CHCHD3: variants seen among roughly 807,000 people sequenced by gnomAD.
CHCHD3 encodes the protein coiled-coil-helix-coiled-coil-helix domain containing 3, also known as MICOS complex subunit MIC19.
CHCHD3 carries 20 observed loss-of-function variants against 38.2 expected under a neutral mutation model. The observed-to-expected ratio is 0.52, with a 90% CI of 0.37 to 0.76. The LOEUF is 0.76. Among genes scored for constraint, CHCHD3 ranks in the 30% least tolerant of loss-of-function variants. The pLI is 0.00. For synonymous variants in CHCHD3, 82 were observed against 100.0 expected (o/e 0.82, Z 1.07); for missense variants, 245 against 279.2 (o/e 0.88, Z 0.87).
At chr7:132,921,988 T>A (rs1810274170) in intron 4 of CHCHD3, among the ~76,000 whole-genome samples, 1 of 152,192 alleles carries the variant, frequency 6.6e-6, no homozygotes, top group Admixed American at 6.5e-5. Flanking sequence ...CTAGAAACAG[T>A]CCATAAGAAG....
intron 2 of CHCHD3, among the ~76,000 whole-genome samples, chr7:133,066,066 C>T (rs538066499): frequency 2.0e-5 from 3 of 152,178 alleles, no homozygotes; most frequent in South Asian, 2.1e-4. Context: ...CCTATATCTA[C>T]ACTTTCCAAT....
chr7:132,857,820 T>C (rs1437979408), intron 5 of CHCHD3, among the ~76,000 whole-genome samples: 1 of 152,192 alleles, frequency 6.6e-6, no homozygotes, highest in East Asian at 1.9e-4. Context: ...GGTCTGGTTT[T>C]AGAAATTAGA....
intron 5 of CHCHD3, among the ~76,000 whole-genome samples, chr7:132,871,944 A>G (rs1585591122): frequency 6.6e-5 from 10 of 152,212 alleles, no homozygotes; most frequent in Admixed American, 6.5e-4. Context: ...GGGGAAAAAA[A>G]AGTAAAAATA....
At chr7:132,885,420 A>T (rs575417812) in intron 5 of CHCHD3, among the ~76,000 whole-genome samples, 1 of 152,282 alleles carries the variant, frequency 6.6e-6, no homozygotes, top group South Asian at 2.1e-4. Flanking sequence ...TAAGAAAAGT[A>T]TTTGCGGTAG....
intron 4 of CHCHD3, among the ~76,000 whole-genome samples, chr7:132,958,498 T>C (rs1009656045): frequency 1.3e-5 from 2 of 152,202 alleles, no homozygotes; most frequent in African/African-American, 4.8e-5. Flanking sequence ...GTACAGGTAT[T>C]AAAGAGTATC....
chr7:132,820,729 T>C (rs1272336161), intron 6 of CHCHD3, among the ~76,000 whole-genome samples: 1 of 151,666 alleles, frequency 6.6e-6, no homozygotes, highest in East Asian at 1.9e-4. Flanking sequence ...CTGTCCTTTT[T>C]ACTTCTGGAA....
chr7:132,883,273 T>G (rs1461709974), intron 5 of CHCHD3, among the ~76,000 whole-genome samples: 1 of 152,194 alleles, frequency 6.6e-6, no homozygotes, highest in Non-Finnish European at 1.5e-5. Context: ...AGTGGGTGAA[T>G]GGTTACTCTG....
chr7:132,925,987 T>C (rs969847965), intron 4 of CHCHD3, among the ~76,000 whole-genome samples: 1 of 151,950 alleles, frequency 6.6e-6, no homozygotes, highest in Non-Finnish European at 1.5e-5. Context: ...CTTAGAAAAA[T>C]GGCCAGAGAT....
rs761370300 is a variant in CHCHD3, at chr7:133,035,084, G to A, written c.170-10457C>T. The A allele has an allele frequency of 6.2e-7, 1 of 1,613,654 alleles. No homozygotes were observed. Among genetic ancestry groups the A allele is most frequent in the African/African-American group, 1.3e-5 (1 of 74,912 alleles). ...AGGTACTCTTGGGCAGGTGAGCGAA[G>A]GGGTCCTTGGCCTTGGGCTCAGCAG... On this transcript the variant is annotated intron_variant, in intron 2 of 7. Coordinates refer to ENST00000262570, the MANE Select transcript of CHCHD3 (RefSeq NM_017812.4). This position sits in a 1 kb window ranked among gnomAD's most constrained non-coding sequence, Gnocchi z 4.7.
chr7:132,920,709 A>G (rs1348626657), intron 4 of CHCHD3, among the ~76,000 whole-genome samples: 1 of 152,220 alleles, frequency 6.6e-6, no homozygotes, highest in African/African-American at 2.4e-5. Context: ...GGTGCTTGGT[A>G]CTTCACTTAG....
chr7:132,825,478 C>T (rs1807486946), intron 6 of CHCHD3, among the ~76,000 whole-genome samples: 2 of 152,222 alleles, frequency 1.3e-5, no homozygotes, highest in African/African-American at 4.8e-5. Flanking sequence ...ATTTGGTTCC[C>T]ACTTCTTGTC....
chr7:132,983,315 T>C (rs1295505515), intron 3 of CHCHD3, among the ~76,000 whole-genome samples: 1 of 152,134 alleles, frequency 6.6e-6, no homozygotes, highest in Non-Finnish European at 1.5e-5. Context: ...AGACCGAGAC[T>C]CTATCTCAAA....
chr7:132,793,915 G>A (rs763084388), intron 7 of CHCHD3, among the ~76,000 whole-genome samples: 2 of 152,200 alleles, frequency 1.3e-5, no homozygotes, highest in Non-Finnish European at 2.9e-5. Context: ...GTATCTTGCC[G>A]GAGTCTCTTA....
intron 3 of CHCHD3, among the ~76,000 whole-genome samples, chr7:132,981,846 T>C (rs1176099666): frequency 6.6e-6 from 1 of 152,208 alleles, no homozygotes; most frequent in Non-Finnish European, 1.5e-5. Flanking sequence ...TTTGACTAAA[T>C]GACTTATCTA....
chr7:132,898,870 G>C (rs1037661637), intron 4 of CHCHD3, among the ~76,000 whole-genome samples: 6 of 152,344 alleles, frequency 3.9e-5, no homozygotes, highest in African/African-American at 1.2e-4. Context: ...CTCATTGCCC[G>C]GGGCCGGCAG....
In CHCHD3 at chr7:132,807,264, G is replaced by A. The variant is rs554465513; in HGVS notation, c.525-10687C>T. Among the ~76,000 whole-genome samples the A allele has an allele frequency of 2.6e-5, 4 of 152,232 alleles. No homozygotes were observed. The South Asian group carries it at 8.3e-4, about 32-fold the overall frequency. On this transcript the variant is annotated intron_variant, in intron 6 of 7. Transcript: ENST00000262570. ...GACCCCATGATGGGAGATGCTCAAC[G>A]CTGGCAAGGGATACTCCAGGTCCTC... is the stretch of plus-strand genomic sequence containing the variant.
At chr7:133,036,682 T>C (rs1489021695) in intron 2 of CHCHD3, among the ~76,000 whole-genome samples, 1 of 152,216 alleles carries the variant, frequency 6.6e-6, no homozygotes, top group African/African-American at 2.4e-5. Context: ...TACAAATTAC[T>C]AATAAGGTTT....
chr7:132,823,290 G>A (rs1303658188), intron 6 of CHCHD3, among the ~76,000 whole-genome samples: 3 of 152,100 alleles, frequency 2.0e-5, no homozygotes, highest in Non-Finnish European at 4.4e-5. Flanking sequence ...ATATCTAGTG[G>A]ATGCCTGAAA....
chr7:132,986,969 A>T (rs1812139425), intron 3 of CHCHD3, among the ~76,000 whole-genome samples: 1 of 152,192 alleles, frequency 6.6e-6, no homozygotes, highest in Non-Finnish European at 1.5e-5. Context: ...TCTACACAAT[A>T]AGAACCTATT....
Sources: gnomAD v4.1 joint callset for allele counts (sites outside exome capture counted in the v4.1 genomes callset) on GRCh38, gnomAD v4.1.1 for gene constraint, Gnocchi (gnomAD v3.1) non-coding constraint, MANE v1.5 for transcripts, NCBI Gene and HGNC (gene_info 2026-07-23, HGNC 2026-07-21) for gene names.